Variants in PAK6 observed in about 807,000 individuals in gnomAD.
The protein encoded by PAK6 is serine/threonine-protein kinase PAK 6.
In PAK6, 33 loss-of-function variants were observed where a neutral mutation model predicts 60.8. The observed-to-expected ratio is 0.54, with a 90% CI of 0.41 to 0.73. The LOEUF is 0.73. Ranked by LOEUF, PAK6 falls within the 30% of genes least tolerant of loss-of-function variation. The pLI is 0.00. For synonymous variants in PAK6, 404 were observed against 378.5 expected, an observed-to-expected ratio of 1.07 and a Z score of -0.78; for missense variants, 845 against 904.1, an observed-to-expected ratio of 0.93 and a Z score of 0.84.
exon 11 of PAK6, chr15:40,277,078 C>CT (rs2039476761): frequency 6.6e-6 from 1 of 152,216 alleles, no homozygotes; most frequent in African/African-American, 2.4e-5. Context: ...AAGTTTATCT[C>CT]AATAACCAGG....
exon 11 of PAK6, chr15:40,276,875 A>T (rs1273048488): frequency 1.3e-5 from 2 of 151,130 alleles, no homozygotes; most frequent in Non-Finnish European, 2.9e-5. Flanking sequence ...TCTCCCACTA[A>T]GTTCTGGCCT....
At chr15:40,274,930 C>G (rs1030857242) in intron 10 of PAK6, among the ~76,000 whole-genome samples, 1 of 152,202 alleles carries the variant, frequency 6.6e-6, no homozygotes, top group African/African-American at 2.4e-5. Context: ...GGGCTGAAGC[C>G]TCTCCTCTAA....
intron 2 of PAK6, chr15:40,252,835 C>A: frequency 1.6e-6 from 2 of 1,285,958 alleles, no homozygotes; most frequent in Non-Finnish European, 2.0e-6. Flanking sequence ...ATCTGGAGCT[C>A]CGCGTCCCTG....
intron 2 of PAK6, chr15:40,246,285 C>T (rs188128891): frequency 1.3e-5 from 2 of 152,154 alleles, no homozygotes; most frequent in East Asian, 3.8e-4. Flanking sequence ...TTAGTGTAGA[C>T]TTTTGACCCC....
At chr15:40,266,276 T>C (rs1266331863) in exon 5 of PAK6, 6 of 1,611,386 alleles carry the variant, frequency 3.7e-6, no homozygotes, top group Admixed American at 3.3e-5. Context: ...CGGGCACCAA[T>C]AGGCATGGAA....
chr15:40,264,898 C>G lies in PAK6; in HGVS notation c.113C>G (p.Pro38Arg), dbSNP rs142256590. ...GAAGGCAAGTTTGTGGGCCTCCCCC[C>G]ACAATGGCAGAACATCCTGGACACA... Residue 38 changes from proline to arginine, a missense_variant, in exon 4 of 11, where the codon CCA (proline) becomes CGA (arginine). Physicochemically the swap from Pro to Arg is moderately radical, Grantham distance 103. Coordinates refer to ENST00000560346, the Ensembl canonical transcript of PAK6. 70 of 1,613,836 alleles carry G rather than the reference C, an allele frequency of 4.3e-5. 1 individual carries two copies. The highest frequency in any genetic ancestry group is 1.6e-4 in the South Asian group (15 of 91,096).
At chr15:40,266,633 G>A (rs1291964508) in intron 5 of PAK6, 138 bp downstream of exon 5, 3 of 773,458 alleles carry the variant, frequency 3.9e-6, no homozygotes, top group African/African-American at 3.5e-5. Flanking sequence ...AATGTGCACG[G>A]TAACCTCTTC....
At chr15:40,260,079 G>T (rs2038944994) in intron 3 of PAK6, 1 of 152,062 alleles carries the variant, frequency 6.6e-6, no homozygotes, top group Non-Finnish European at 1.5e-5. Flanking sequence ...TTGTGTCTGG[G>T]ACCCATGACT....
chr15:40,265,397 G>A (rs1429951424), intron 4 of PAK6, among the ~76,000 whole-genome samples: 1 of 152,206 alleles, frequency 6.6e-6, no homozygotes, highest in Non-Finnish European at 1.5e-5. Flanking sequence ...GGTAGAAGGT[G>A]GGGTCAGGGG....
exon 11 of PAK6, chr15:40,276,283 C>G: frequency 1.7e-6 from 1 of 588,152 alleles, no homozygotes; most frequent in Non-Finnish European, 3.0e-6. Flanking sequence ...GTGTCTCTCC[C>G]TCCCGAGTCC....
exon 4 of PAK6, chr15:40,264,841 A>T (rs1485889183): frequency 1.9e-6 from 3 of 1,614,004 alleles, no homozygotes; most frequent in African/African-American, 1.3e-5. Context: ...CAGAACTTCC[A>T]GCACCGTGTC....
intron 2 of PAK6, chr15:40,252,716 G>T (rs1396006116): frequency 2.3e-6 from 3 of 1,304,170 alleles, no homozygotes; most frequent in Middle Eastern, 2.2e-4. Flanking sequence ...TGCCCCGGAG[G>T]TTCGCGGCGA....
At position 40,264,793 on chromosome 15, in the gene PAK6, G is replaced by T. The variant is rs201346085; in HGVS notation, c.8G>T (p.Arg3Leu). The T allele has an allele frequency of 1.9e-6, 3 of 1,613,608 alleles. No homozygotes were observed. Among genetic ancestry groups the T allele is most frequent in the South Asian group, 2.2e-5 (2 of 91,086 alleles). ...TCTGCACTTACAGGCACCATGTTCC[G>T]CAAGAAAAAGAAGAAACGCCCTGAG... Residue 3 changes from arginine (R) to leucine (L), a missense_variant, in exon 4 of 11, where the codon CGC (arginine) becomes CTC (leucine). Physicochemically the swap from Arg to Leu is moderately radical, Grantham distance 102. Coordinates refer to ENST00000560346, the Ensembl canonical transcript of PAK6.
chr15:40,252,692 G>T (rs1436912245), intron 2 of PAK6: 2 of 1,308,420 alleles, frequency 1.5e-6, no homozygotes, highest in Non-Finnish European at 1.0e-6. Context: ...CGCTCCGCAG[G>T]TGGGTTCCCC....
exon 1 of PAK6, chr15:40,239,652 C>T (rs1367764590): frequency 6.6e-6 from 1 of 152,390 alleles, no homozygotes; most frequent in Non-Finnish European, 1.5e-5. Flanking sequence ...GGTGTTGGGA[C>T]AGAAGGGCAG....
chr15:40,266,507 G>A lies in PAK6; in HGVS notation c.858+12G>A. On this transcript the variant is annotated intron_variant, in intron 5 of 10. Coordinates refer to ENST00000560346, the Ensembl canonical transcript of PAK6. ...CACCACAGAGCAAGGTAAGTCAGGA[G>A]CCTGGCCTGCAGGTGTCCACTGGGG... 1 of 1,581,992 alleles carries A rather than the reference G, an allele frequency of 6.3e-7. No individual in the cohort carries two copies. Among genetic ancestry groups the A allele is most frequent in the Non-Finnish European group, 8.6e-7 (1 of 1,164,204 alleles).
At chr15:40,247,989 C>T (rs916300822) in intron 2 of PAK6, among the ~76,000 whole-genome samples, 1 of 152,190 alleles carries the variant, frequency 6.6e-6, no homozygotes, top group African/African-American at 2.4e-5. Flanking sequence ...GGTGCTGCTC[C>T]TCCATAGCCC....
chr15:40,242,997 G>A (rs2038398386), intron 2 of PAK6, among the ~76,000 whole-genome samples: 1 of 152,182 alleles, frequency 6.6e-6, no homozygotes, highest in Non-Finnish European at 1.5e-5. Flanking sequence ...GCTGAGCTGA[G>A]CGTGGGGCCA....
intron 3 of PAK6, 180 bp from the exon 4 acceptor site, chr15:40,264,601 C>A: frequency 1.6e-6 from 1 of 636,432 alleles, no homozygotes; most frequent in South Asian, 1.8e-5. Context: ...GTTTCTGGGA[C>A]TGTTCTGCTG....
Sources: gnomAD v4.1 joint callset for allele counts (sites outside exome capture counted in the v4.1 genomes callset) on GRCh38, gnomAD v4.1.1 for gene constraint, MANE v1.5 for transcripts, NCBI Gene and HGNC (gene_info 2026-07-23, HGNC 2026-07-21) for gene names.